Variants in ZNF362 observed in about 807,000 individuals in gnomAD.
ZNF362 encodes the protein rotund homolog.
ZNF362 carries 11 observed loss-of-function variants against 42.9 expected under a neutral mutation model. That is an observed-to-expected ratio of 0.26 (90% CI 0.16 to 0.42). The LOEUF (loss-of-function observed/expected upper bound fraction) is 0.42. ZNF362 is among the 20% of genes least tolerant of loss of function. The probability of loss-of-function intolerance (pLI) is 1.00; values close to 1 mark genes in which losing one functional copy is unlikely to be tolerated. For synonymous variants in ZNF362, 255 were observed against 257.3 expected, an observed-to-expected ratio of 0.99 and a Z score of 0.09; for missense variants, 362 against 576.2, an observed-to-expected ratio of 0.63 and a Z score of 3.81.
Position 33,294,083 on chromosome 1 carries a change from T to C in ZNF362, c.909-854T>C, listed in dbSNP as rs1474442487. Among the ~76,000 whole-genome samples the C allele has an allele frequency of 6.6e-6, 1 of 152,220 alleles. No individual in the cohort carries two copies. Among genetic ancestry groups the C allele is most frequent in the Non-Finnish European group, 1.5e-5 (1 of 68,044 alleles). On this transcript the variant is annotated intron_variant, in intron 6 of 8. Coordinates refer to ENST00000539719, the MANE Select transcript of ZNF362 (RefSeq NM_152493.3). The surrounding 1 kb of genome is among the most constrained non-coding windows in gnomAD (Gnocchi z 4.2). ...GCTTTTGTCTGTTTTGTTCATGATA[T>C]ATTCCAAATACCTAGCACAGTGCCT...
chr1:33,268,788 G>A (rs375270479), intron 1 of ZNF362, among the ~76,000 whole-genome samples: 9 of 152,212 alleles, frequency 5.9e-5, no homozygotes, highest in African/African-American at 2.2e-4. Flanking sequence ...GGCAGGGGCC[G>A]CACATGTAAG....
At chr1:33,179,970 G>A in the ZNF362 span, among the ~76,000 whole-genome samples, 1 of 152,196 alleles carries the variant, frequency 6.6e-6, no homozygotes, top group Admixed American at 6.5e-5. Flanking sequence ...AGCATTTGGG[G>A]AAATGCAGTT....
the ZNF362 span, among the ~76,000 whole-genome samples, chr1:33,207,147 G>A: frequency 0.011 from 1,543 of 140,474 alleles, 33 homozygotes; most frequent in African/African-American, 0.039. Flanking sequence ...TCCCCTCCCT[G>A]TGTCCATGTG....
chr1:33,187,019 T>G, the ZNF362 span, among the ~76,000 whole-genome samples: 28 of 151,484 alleles, frequency 1.8e-4, 1 homozygote, highest in African/African-American at 6.8e-4. Flanking sequence ...CCCATAAGGG[T>G]GCACTATTAT....
the ZNF362 span, among the ~76,000 whole-genome samples, chr1:33,235,156 A>T: frequency 1.3e-5 from 2 of 151,740 alleles, no homozygotes. Context: ...CTCTTCTGGA[A>T]CCTCCCAGGA....
rs1461446149 is a variant in ZNF362 at position 33,281,403 on chromosome 1, C to T, written c.684-184C>T. On this transcript the variant is annotated intron_variant, in intron 5 of 8. Transcript: ENST00000539719. The surrounding 1 kb of genome is among the most constrained non-coding windows in gnomAD (Gnocchi z 4.8). The stretch of plus-strand genomic sequence containing the variant: ...TGTTCCCCCAGGCAAGAGCTTCCTC[C>T]TCCAGATTTAAGGGTGCCCAGGCTG... Among the ~76,000 whole-genome samples the T allele has an allele frequency of 6.6e-6, 1 of 152,128 alleles. No individual in the cohort carries two copies. The highest frequency in any genetic ancestry group is 1.5e-5 in the Non-Finnish European group (1 of 68,000).
chr1:33,292,347 T>A (rs1646084648), intron 6 of ZNF362, among the ~76,000 whole-genome samples: 1 of 152,214 alleles, frequency 6.6e-6, no homozygotes, highest in Admixed American at 6.5e-5. Context: ...TGTCGTTGGT[T>A]CTGTTTATAT....
chr1:33,178,081 G>A, the ZNF362 span, among the ~76,000 whole-genome samples: 9 of 152,176 alleles, frequency 5.9e-5, no homozygotes, highest in African/African-American at 1.9e-4. Context: ...GCTAGGTAGG[G>A]TGTTGGGAGA....
At chr1:33,215,943 G>C in the ZNF362 span, among the ~76,000 whole-genome samples, 1 of 151,768 alleles carries the variant, frequency 6.6e-6, no homozygotes, top group Non-Finnish European at 1.5e-5. Context: ...AGTAAATACA[G>C]TCAAGGTGTT....
At chr1:33,162,237 C>T in the ZNF362 span, among the ~76,000 whole-genome samples, 11 of 152,168 alleles carry the variant, frequency 7.2e-5, no homozygotes, top group African/African-American at 2.7e-4. Context: ...ATTCAAGGAC[C>T]TTCTCAATTT....
intron 6 of ZNF362, among the ~76,000 whole-genome samples, chr1:33,282,720 G>A (rs1646004459): frequency 1.3e-5 from 2 of 151,992 alleles, no homozygotes; most frequent in Admixed American, 6.6e-5. Flanking sequence ...TACTTGGGAG[G>A]CTTAGGCAGG....
chr1:33,134,128 A>G, the ZNF362 span, among the ~76,000 whole-genome samples: 7 of 152,200 alleles, frequency 4.6e-5, no homozygotes, highest in African/African-American at 1.7e-4. Context: ...CATGCTCTGA[A>G]CACTTACCGT....
chr1:33,255,976 G>A (rs1645785791), upstream of ZNF362, among the ~76,000 whole-genome samples: 2 of 151,588 alleles, frequency 1.3e-5, no homozygotes, highest in Non-Finnish European at 2.9e-5. Flanking sequence ...CGAGGCGGCC[G>A]CCGGGCCTGG....
At chr1:33,238,498 T>G in the ZNF362 span, among the ~76,000 whole-genome samples, 1 of 151,784 alleles carries the variant, frequency 6.6e-6, no homozygotes, top group Non-Finnish European at 1.5e-5. Flanking sequence ...TCACAATAGC[T>G]GAGGAAAGTG....
At chr1:33,216,804 G>A in the ZNF362 span, among the ~76,000 whole-genome samples, 1 of 151,898 alleles carries the variant, frequency 6.6e-6, no homozygotes, top group African/African-American at 2.4e-5. Context: ...GGTAGAGTCA[G>A]CACATAGGAT....
At chr1:33,226,169 A>G in the ZNF362 span, among the ~76,000 whole-genome samples, 3 of 151,512 alleles carry the variant, frequency 2.0e-5, no homozygotes, top group Admixed American at 2.0e-4. Flanking sequence ...AAAGCTTTTC[A>G]GTTTATGATT....
the ZNF362 span, chr1:33,165,071 T>A: frequency 6.3e-6 from 1 of 159,152 alleles, no homozygotes. This position sits in a 1 kb window ranked among gnomAD's most constrained non-coding sequence, Gnocchi z 4.0. Context: ...GGACTACAAG[T>A]GTGTGTCACA....
At chr1:33,185,396 A>G in the ZNF362 span, among the ~76,000 whole-genome samples, 3 of 151,444 alleles carry the variant, frequency 2.0e-5, no homozygotes, top group Non-Finnish European at 4.4e-5. Context: ...TAATTTTTGT[A>G]TTTTTAGTAG....
At chr1:33,263,786 G>T (rs1645845629) in intron 1 of ZNF362, among the ~76,000 whole-genome samples, 1 of 152,210 alleles carries the variant, frequency 6.6e-6, no homozygotes, top group Non-Finnish European at 1.5e-5. Flanking sequence ...AACAGCCTGG[G>T]CAGAGACCCG....
Sources: allele counts gnomAD v4.1 joint callset (sites outside exome capture counted in the v4.1 genomes callset), GRCh38; gene constraint gnomAD v4.1.1; non-coding constraint Gnocchi (gnomAD v3.1); transcripts MANE v1.5; gene names NCBI Gene and HGNC (gene_info 2026-07-23, HGNC 2026-07-21).